FGF14: variants seen among roughly 807,000 people sequenced by gnomAD.
FGF14 encodes fibroblast growth factor 14, also known as fibroblast growth factor homologous factor 4.
A neutral mutation model predicts 25.5 loss-of-function variants in FGF14; 5 were observed. That is an observed-to-expected ratio of 0.20 (90% confidence interval 0.10 to 0.41). FGF14 has a LOEUF of 0.41. FGF14 is among the 10% of genes least tolerant of loss of function. The pLI is 1.00. For synonymous variants in FGF14, 138 were observed against 118.3 expected, an observed-to-expected ratio of 1.17 and a Z score of -1.08; for missense variants, 222 against 320.1, an observed-to-expected ratio of 0.69 and a Z score of 2.34.
chr13:102,187,011 G>T (rs2048904504), intron 1 of FGF14, among the ~76,000 whole-genome samples: 1 of 152,116 alleles, frequency 6.6e-6, no homozygotes, highest in East Asian at 1.9e-4. Flanking sequence ...TATACATGTG[G>T]TGCACATATG....
At chr13:102,394,555 G>C (rs1046393175) in intron 1 of FGF14, 1 of 152,238 alleles carries the variant, frequency 6.6e-6, no homozygotes, top group East Asian at 1.9e-4. Context: ...AGACGCCCTA[G>C]GGTCAGAGGT....
chr13:101,913,291 A>T (rs746787086), intron 1 of FGF14, among the ~76,000 whole-genome samples: 2 of 151,996 alleles, frequency 1.3e-5, no homozygotes, highest in East Asian at 1.9e-4. Context: ...GGGTAGATGG[A>T]GCTGAATCTG....
intron 1 of FGF14, among the ~76,000 whole-genome samples, chr13:102,252,472 T>C (rs1223887781): frequency 6.6e-6 from 1 of 152,170 alleles, no homozygotes; most frequent in Non-Finnish European, 1.5e-5. Flanking sequence ...CTCCCAGAGA[T>C]GCCCAAATCT....
At chr13:102,106,673 T>C (rs1287839707) in intron 1 of FGF14, among the ~76,000 whole-genome samples, 1 of 152,078 alleles carries the variant, frequency 6.6e-6, no homozygotes, top group Non-Finnish European at 1.5e-5. Flanking sequence ...GAAAAGCCTT[T>C]ACCCCCAAAG....
chr13:102,349,358 G>A lies in FGF14; in HGVS notation c.208+52113C>T, dbSNP rs80208929. The stretch of plus-strand genomic sequence containing the variant: ...AACTTCTCCATGTCTGCTCTCCATA[G>A]GCTCAATTTAATTACATGTGGCTTT... On this transcript the variant is annotated intron_variant, in intron 1 of 4. Coordinates refer to the FGF14 transcript ENST00000376131. Among the ~76,000 whole-genome samples the A allele has an allele frequency of 1.7e-4, 26 of 151,912 alleles. No individual in the cohort carries two copies. The East Asian group carries it at 4.8e-3, about 28-fold the overall frequency.
chr13:101,946,848 A>G (rs1331241532), intron 1 of FGF14, among the ~76,000 whole-genome samples: 3 of 152,206 alleles, frequency 2.0e-5, no homozygotes, highest in African/African-American at 7.2e-5. Flanking sequence ...TTTGGGAGGT[A>G]GGATCATTTC....
At chr13:102,178,633 G>A (rs184683125) in intron 1 of FGF14, among the ~76,000 whole-genome samples, 33 of 152,148 alleles carry the variant, frequency 2.2e-4, no homozygotes, top group Admixed American at 1.3e-3. Context: ...AAGCAAGAAC[G>A]TGTGGTATTT....
chr13:102,098,066 A>G (rs796374365), intron 1 of FGF14, among the ~76,000 whole-genome samples: 2 of 152,324 alleles, frequency 1.3e-5, no homozygotes, highest in African/African-American at 4.8e-5. Flanking sequence ...TCAGGTGTAG[A>G]CTGAGTCCCA....
chr13:102,198,856 C>T (rs1594373609), intron 1 of FGF14, among the ~76,000 whole-genome samples: 1 of 152,168 alleles, frequency 6.6e-6, no homozygotes, highest in African/African-American at 2.4e-5. Flanking sequence ...TGGACATCCT[C>T]AGTAGTTCCA....
chr13:102,402,077 GAAAAAAGAAA>G (rs895033938), upstream of FGF14: 16 of 144,362 alleles, frequency 1.1e-4, no homozygotes, highest in East Asian at 2.0e-4. Context: ...AAGAAAGAAA[GAAAAAAGAAA>G]AAAAAAGAAA....
At chr13:101,836,124 G>A (rs1420890542) in intron 3 of FGF14, among the ~76,000 whole-genome samples, 1 of 152,066 alleles carries the variant, frequency 6.6e-6, no homozygotes, top group Non-Finnish European at 1.5e-5. Flanking sequence ...GTCAGAACAT[G>A]ACTGTGGTAT....
At chr13:101,764,415 G>A (rs1187313246) in intron 3 of FGF14, among the ~76,000 whole-genome samples, 4 of 152,170 alleles carry the variant, frequency 2.6e-5, no homozygotes, top group African/African-American at 9.7e-5. Flanking sequence ...TCTGAGGTGT[G>A]GAGCAGAGTG....
chr13:101,945,976 T>C (rs1283854550), intron 1 of FGF14, among the ~76,000 whole-genome samples: 1 of 152,216 alleles, frequency 6.6e-6, no homozygotes, highest in Non-Finnish European at 1.5e-5. Flanking sequence ...ACACTCTGAA[T>C]CATCGTGAAG....
chr13:101,895,992 T>C (rs532543109), intron 1 of FGF14, among the ~76,000 whole-genome samples: 93 of 152,320 alleles, frequency 6.1e-4, no homozygotes, highest in African/African-American at 2.2e-3. Flanking sequence ...AATACCTGTT[T>C]GGTTTGATAT....
chr13:101,895,325 C>T (rs1243001998), intron 1 of FGF14, among the ~76,000 whole-genome samples: 2 of 152,034 alleles, frequency 1.3e-5, no homozygotes, highest in Non-Finnish European at 2.9e-5. Context: ...TTACAAATGC[C>T]TTTAGTCCTT....
chr13:101,951,323 C>T (rs999927470), intron 1 of FGF14, among the ~76,000 whole-genome samples: 1 of 151,974 alleles, frequency 6.6e-6, no homozygotes, highest in African/African-American at 2.4e-5. Flanking sequence ...AGAGGTTTTA[C>T]CAGTCTAAGA....
intron 1 of FGF14, among the ~76,000 whole-genome samples, chr13:101,900,547 A>T (rs2031396510): frequency 6.6e-6 from 1 of 152,170 alleles, no homozygotes; most frequent in Non-Finnish European, 1.5e-5. Flanking sequence ...CTGCAAATAC[A>T]ATATTAGGTA....
chr13:102,236,265 C>T (rs549606267), intron 1 of FGF14, among the ~76,000 whole-genome samples: 36 of 152,300 alleles, frequency 2.4e-4, no homozygotes, highest in Admixed American at 3.9e-4. Context: ...TCTAAGAACC[C>T]TCTCTTGGGG....
intron 3 of FGF14, among the ~76,000 whole-genome samples, chr13:101,821,979 G>T (rs2042177018): frequency 6.6e-6 from 1 of 152,142 alleles, no homozygotes; most frequent in South Asian, 2.1e-4. Flanking sequence ...TCATAATGCT[G>T]TCTTGTAAGG....
Sources: allele counts gnomAD v4.1 joint callset (sites outside exome capture counted in the v4.1 genomes callset), GRCh38; gene constraint gnomAD v4.1.1; transcripts MANE v1.5; gene names NCBI Gene and HGNC (gene_info 2026-07-23, HGNC 2026-07-21).